The following TBC1D5 variants were observed in gnomAD, a reference collection of about 807,000 sequenced individuals.
TBC1D5 encodes TBC1 domain family, member 5.
In TBC1D5, 75 loss-of-function variants were observed where a neutral mutation model predicts 100.3. The observed-to-expected ratio is 0.75, with a 90% confidence interval of 0.62 to 0.91. The LOEUF (loss-of-function observed/expected upper bound fraction) is 0.91, where lower values mean the gene tolerates loss of function less well. Ranked by LOEUF, TBC1D5 falls within the 40% of genes least tolerant of loss-of-function variation. The pLI, the probability that TBC1D5 is intolerant of heterozygous loss-of-function variation, is 0.00. For missense variants in TBC1D5, 910 were observed against 942.4 expected, an observed-to-expected ratio of 0.97 and a Z score of 0.45; for synonymous variants, 323 against 325.6, an observed-to-expected ratio of 0.99 and a Z score of 0.09.
At chr3:17,234,632 G>A (rs1220595853) in intron 17 of TBC1D5, among the ~76,000 whole-genome samples, 1 of 151,844 alleles carries the variant, frequency 6.6e-6, no homozygotes, top group Non-Finnish European at 1.5e-5. Context: ...ACCATCTGAA[G>A]GCCTATGCTA....
chr3:17,661,563 C>T lies in TBC1D5; in HGVS notation c.-100-37650G>A, dbSNP rs115248221. On this transcript the variant is annotated intron_variant, in intron 1 of 21. Transcript: ENST00000253692. ...CTCACTAGACCGGAGTGCAGTGGTA[C>T]GATCTCAGCTCACTGCAACCTCCGC... Among the ~76,000 whole-genome samples, 1,218 of 149,428 alleles carry T rather than the reference C, an allele frequency of 8.2e-3. 9 individuals carry two copies. Among genetic ancestry groups the T allele is most frequent in the Non-Finnish European group, 0.014 (963 of 67,748 alleles).
intron 3 of TBC1D5, among the ~76,000 whole-genome samples, chr3:17,431,883 T>C (rs568123623): frequency 6.6e-6 from 1 of 152,260 alleles, no homozygotes; most frequent in South Asian, 2.1e-4. Context: ...CATTTTTGGT[T>C]CCATCTGTGC....
chr3:17,706,130 C>T (rs1183203950), intron 1 of TBC1D5: 2 of 1,604,048 alleles, frequency 1.2e-6, no homozygotes, highest in East Asian at 4.5e-5. Flanking sequence ...GCAAGTCGGG[C>T]TTGAGGCAAA....
chr3:17,519,786 G>A (rs2096041999), intron 2 of TBC1D5, among the ~76,000 whole-genome samples: 1 of 152,120 alleles, frequency 6.6e-6, no homozygotes, highest in African/African-American at 2.4e-5. Context: ...GTATGTCGTA[G>A]GAATAGATAT....
chr3:17,686,228 T>C (rs1373806946), intron 1 of TBC1D5, among the ~76,000 whole-genome samples: 4 of 152,148 alleles, frequency 2.6e-5, no homozygotes, highest in Non-Finnish European at 5.9e-5. Flanking sequence ...AGTCACAATC[T>C]AATTAGGGTA....
At chr3:17,389,837 T>C (rs1469206741) in intron 8 of TBC1D5, among the ~76,000 whole-genome samples, 1 of 152,154 alleles carries the variant, frequency 6.6e-6, no homozygotes, top group Non-Finnish European at 1.5e-5. Flanking sequence ...CTTTCTGTGA[T>C]GCTACCAACT....
intron 1 of TBC1D5, among the ~76,000 whole-genome samples, chr3:17,648,521 T>C (rs1379681797): frequency 6.6e-6 from 1 of 152,180 alleles, no homozygotes; most frequent in Non-Finnish European, 1.5e-5. Flanking sequence ...CAAAAGAAAC[T>C]ATTAACAGAG....
At chr3:17,618,237 C>G (rs537246988) in intron 2 of TBC1D5, among the ~76,000 whole-genome samples, 1 of 152,316 alleles carries the variant, frequency 6.6e-6, no homozygotes, top group African/African-American at 2.4e-5. Context: ...GGCTGCAGAA[C>G]AGCAATTATT....
Position 17,556,472 on chromosome 3 carries a change from C to T in TBC1D5, c.-35-47867G>A, listed in dbSNP as rs2096522097. Among the ~76,000 whole-genome samples the T allele has an allele frequency of 2.0e-5, 3 of 152,158 alleles. No homozygotes were observed. The South Asian group carries it at 6.2e-4, about 31-fold the overall frequency. ...TTGCTTACCACAGACATTACAATAA[C>T]TACTAAGCCTGCCTCTACACCTTTG... On this transcript the variant is annotated intron_variant, in intron 2 of 21. Coordinates refer to ENST00000253692, the Ensembl canonical transcript of TBC1D5.
rs528042684 is a variant in TBC1D5, at chr3:17,734,850, C to G, written c.-101+4493G>C. ...AATATAATCCAAACACTTTGGGAGG[C>G]CGATGTGGGAGGATAGCTTGAGCCC... is the stretch of plus-strand genomic sequence containing the variant. On this transcript the variant is annotated intron_variant, in intron 1 of 21. Transcript: ENST00000253692. Among the ~76,000 whole-genome samples, 3 of 152,122 alleles carry G rather than the reference C, an allele frequency of 2.0e-5. No individual in the cohort carries two copies. In the East Asian group the frequency reaches 5.8e-4, roughly 29 times the overall value.
rs560959474 is a variant in TBC1D5, at chr3:17,507,552, T to C, written c.97+922A>G. Among the ~76,000 whole-genome samples the C allele has an allele frequency of 9.6e-4, 146 of 152,286 alleles. 2 individuals carry two copies. The highest frequency in any genetic ancestry group is 3.2e-3 in the African/African-American group (135 of 41,574). The stretch of plus-strand genomic sequence containing the variant: ...TTTTTTAAATTCTCAAAACATGAGT[T>C]AAAAGCAGACTTTGGCATCAGTATA... On this transcript the variant is annotated intron_variant, in intron 3 of 21. Transcript: ENST00000253692.
intron 18 of TBC1D5, among the ~76,000 whole-genome samples, chr3:17,207,973 C>T (rs941871188): frequency 3.9e-5 from 6 of 152,208 alleles, no homozygotes; most frequent in African/African-American, 7.2e-5. Context: ...GAGACCCAAA[C>T]GAAGAGATGT....
At chr3:17,427,261 T>C (rs17043618) in intron 4 of TBC1D5, among the ~76,000 whole-genome samples, 9,247 of 152,008 alleles carry the variant, frequency 0.061, 550 homozygotes, top group African/African-American at 0.15. Flanking sequence ...TCTGTGACAC[T>C]TGAACAACTG....
chr3:17,392,881 G>A (rs1380302347), intron 8 of TBC1D5, among the ~76,000 whole-genome samples: 3 of 152,150 alleles, frequency 2.0e-5, no homozygotes, highest in Non-Finnish European at 4.4e-5. Context: ...TATGTACCCA[G>A]TAATGGGATT....
At chr3:17,572,286 A>G (rs532393676) in intron 2 of TBC1D5, among the ~76,000 whole-genome samples, 1 of 150,624 alleles carries the variant, frequency 6.6e-6, no homozygotes, top group African/African-American at 2.4e-5. Context: ...CACTTTTCAT[A>G]TTTCTTGCAT....
intron 13 of TBC1D5, among the ~76,000 whole-genome samples, chr3:17,348,213 C>T (rs2090144454): frequency 6.6e-6 from 1 of 152,180 alleles, no homozygotes; most frequent in Non-Finnish European, 1.5e-5. Flanking sequence ...TGCTGAAAAT[C>T]ACCTTGGAAC....
chr3:17,501,247 T>C (rs2095784652), intron 3 of TBC1D5, among the ~76,000 whole-genome samples: 1 of 149,332 alleles, frequency 6.7e-6, no homozygotes, highest in Non-Finnish European at 1.5e-5. Flanking sequence ...CAAATCATTA[T>C]AGATCCAAAT....
intron 1 of TBC1D5, among the ~76,000 whole-genome samples, chr3:17,678,864 T>C (rs2069053184): frequency 6.6e-6 from 1 of 150,480 alleles, no homozygotes; most frequent in Admixed American, 6.6e-5. Context: ...GAACAAGCCA[T>C]ATATAGCCAG....
At position 17,432,289 on chromosome 3, in the gene TBC1D5, CTT is replaced by C. The variant is rs372093514; in HGVS notation, c.98-3772_98-3771del. 2.1e-4 allele frequency among the ~76,000 whole-genome samples: 32 copies of C among 152,116 alleles called. No individual in the cohort carries two copies. In the East Asian group the frequency reaches 5.8e-3, roughly 28 times the overall value. On this transcript the variant is annotated intron_variant, in intron 3 of 21. Coordinates refer to ENST00000253692, the Ensembl canonical transcript of TBC1D5. The stretch of plus-strand genomic sequence containing the variant: ...TGTAAAGACCTGAAAGCCTTTGTGT[CTT>C]TTAAAGGAATTAGTATATACCAATG...
Sources: gnomAD v4.1 joint callset for allele counts (sites outside exome capture counted in the v4.1 genomes callset) on GRCh38, gnomAD v4.1.1 for gene constraint, MANE v1.5 for transcripts, NCBI Gene and HGNC (gene_info 2026-07-23, HGNC 2026-07-21) for gene names.